NINL: variants seen among roughly 807,000 people sequenced by gnomAD.
NINL encodes ninein-like protein.
Under a neutral mutation model 160.3 loss-of-function variants are expected in NINL, and 153 were observed. The ratio of observed to expected loss-of-function variants is 0.95; its 90% CI spans 0.84 to 1.09. NINL has a LOEUF of 1.09. Among genes scored for constraint, NINL ranks in the 50% least tolerant of loss-of-function variants. The pLI, the probability that NINL is intolerant of heterozygous loss-of-function variation, is 0.00. For missense variants in NINL, 1,829 were observed against 1,764.0 expected (o/e 1.04, Z -0.66); for synonymous variants, 800 against 734.8 (o/e 1.09, Z -1.43).
chr20:25,531,857 G>A (rs1335412044), intron 1 of NINL, among the ~76,000 whole-genome samples: 1 of 152,122 alleles, frequency 6.6e-6, no homozygotes, highest in Non-Finnish European at 1.5e-5. Flanking sequence ...GGCAAGTCCT[G>A]CACCTAAGCC....
chr20:25,570,735 C>T (rs576358889), intron 1 of NINL, among the ~76,000 whole-genome samples: 1 of 109,982 alleles, frequency 9.1e-6, no homozygotes, highest in East Asian at 3.2e-4. Flanking sequence ...GAGTTGCTCA[C>T]TCTGTCACAC....
chr20:25,581,894 A>C (rs2065178900), intron 1 of NINL, among the ~76,000 whole-genome samples: 1 of 152,268 alleles, frequency 6.6e-6, no homozygotes, highest in Admixed American at 6.5e-5. Context: ...TATAAATCAC[A>C]ACATATGGGA....
At chr20:25,485,553 A>G (rs1421810705) in intron 13 of NINL, among the ~76,000 whole-genome samples, 2 of 152,188 alleles carry the variant, frequency 1.3e-5, no homozygotes, top group Non-Finnish European at 2.9e-5. Flanking sequence ...TAGCATCTTT[A>G]TGGGTACTTA....
intron 3 of NINL, 25 bp from the exon 4 acceptor site, chr20:25,513,031 TG>T: frequency 2.5e-6 from 4 of 1,587,948 alleles, no homozygotes; most frequent in Middle Eastern, 1.7e-4. Flanking sequence ...GGAAATTTGG[TG>T]GGGGTCCTTT....
At chr20:25,537,408 G>A (rs745830752) in intron 1 of NINL, among the ~76,000 whole-genome samples, 2 of 152,176 alleles carry the variant, frequency 1.3e-5, no homozygotes, top group African/African-American at 4.8e-5. Context: ...TAAGCCATGT[G>A]AGTATGTTAT....
intron 5 of NINL, among the ~76,000 whole-genome samples, chr20:25,509,056 G>C (rs742435): frequency 0.1 from 15,179 of 152,102 alleles, 1,293 homozygotes; most frequent in African/African-American, 0.23. Context: ...AATCTGGTAG[G>C]CTTGTGACAG....
At chr20:25,562,073 TG>T (rs1225999814) in intron 1 of NINL, among the ~76,000 whole-genome samples, 3 of 107,072 alleles carry the variant, frequency 2.8e-5, no homozygotes, top group South Asian at 3.3e-4. Flanking sequence ...GGGAGGCAGG[TG>T]GGGGGGTCAG....
chr20:25,470,812 T>C (rs543400539), intron 17 of NINL, among the ~76,000 whole-genome samples: 77 of 152,204 alleles, frequency 5.1e-4, no homozygotes, highest in African/African-American at 1.4e-3. Flanking sequence ...CTGGGCAACA[T>C]AGTGAGACCT....
intron 1 of NINL, among the ~76,000 whole-genome samples, chr20:25,557,996 C>G (rs1440051648): frequency 1.3e-5 from 2 of 148,700 alleles, no homozygotes; most frequent in African/African-American, 4.9e-5. Flanking sequence ...AAAAAATGAG[C>G]CAGGTATGGT....
intron 21 of NINL, 43 bp downstream of exon 21, chr20:25,461,479 G>A: frequency 5.0e-6 from 6 of 1,205,766 alleles, no homozygotes; most frequent in Non-Finnish European, 7.0e-6. Flanking sequence ...GCTGCTCCCA[G>A]GTGGGACTGG....
Position 25,476,084 on chromosome 20 carries a change from G to A in NINL, c.3207C>T (p.Val1069=), listed in dbSNP as rs74548694. 2 of 1,613,990 alleles carry A rather than the reference G, an allele frequency of 1.2e-6. No homozygotes were observed. Among genetic ancestry groups the A allele is most frequent in the Middle Eastern group, 1.6e-4 (1 of 6,062 alleles). The change falls in exon 17 of 24, where the codon GTC becomes GTT. Residue 1069 remains valine, a synonymous_variant. Transcript: ENST00000278886. ...ETKLLHLEDV[V]RALEKHVDLR... is the part of the protein sequence containing the mutation. ...AATCTACATGTTTCTCCAGAGCCCG[G>A]ACGACGTCTTCCAGATGTAGAAGTT...
intron 2 of NINL, among the ~76,000 whole-genome samples, chr20:25,523,253 A>AAT (rs141751406): frequency 0.016 from 2,452 of 148,996 alleles, 46 homozygotes; most frequent in African/African-American, 0.049. Flanking sequence ...TATATGAGAG[A>AAT]ATATATATAT....
chr20:25,489,532 G>A (rs1432841595), intron 12 of NINL, among the ~76,000 whole-genome samples: 1 of 151,650 alleles, frequency 6.6e-6, no homozygotes, highest in East Asian at 1.9e-4. Context: ...TAGATCTAAG[G>A]TGGCCACACT....
At chr20:25,539,319 G>A (rs1348694636) in intron 1 of NINL, among the ~76,000 whole-genome samples, 1 of 152,244 alleles carries the variant, frequency 6.6e-6, no homozygotes, top group Non-Finnish European at 1.5e-5. Context: ...TGGCAATGCT[G>A]ACTCCACAGC....
chr20:25,499,347 T>C (rs1448362489), intron 8 of NINL: 1 of 599,182 alleles, frequency 1.7e-6, no homozygotes, highest in Non-Finnish European at 2.1e-6. Context: ...CAATAATCTA[T>C]CATGAAGCGA....
chr20:25,565,504 C>A (rs1422888898), intron 1 of NINL, among the ~76,000 whole-genome samples: 1 of 152,152 alleles, frequency 6.6e-6, no homozygotes, highest in African/African-American at 2.4e-5. Flanking sequence ...TACTAAAAAA[C>A]TGAGACTCAC....
intron 16 of NINL, 132 bp downstream of exon 16, chr20:25,478,791 A>T: frequency 1.0e-6 from 1 of 968,488 alleles, no homozygotes; most frequent in Non-Finnish European, 1.5e-6. Flanking sequence ...TTTGGCACTC[A>T]CCCATCTGCC....
intron 1 of NINL, among the ~76,000 whole-genome samples, chr20:25,547,866 G>A (rs878176): frequency 0.16 from 23,945 of 152,106 alleles, 2,171 homozygotes; most frequent in East Asian, 0.34. Context: ...GAAATAAACC[G>A]GGGCAACCTC....
At chr20:25,466,599 A>G (rs1471230851) in intron 19 of NINL, among the ~76,000 whole-genome samples, 1 of 151,968 alleles carries the variant, frequency 6.6e-6, no homozygotes, top group Non-Finnish European at 1.5e-5. Flanking sequence ...CAGGAGTTCG[A>G]GACCGGCCTG....
Sources: allele counts gnomAD v4.1 joint callset (sites outside exome capture counted in the v4.1 genomes callset), GRCh38; gene constraint gnomAD v4.1.1; transcripts MANE v1.5; gene names NCBI Gene and HGNC (gene_info 2026-07-23, HGNC 2026-07-21).